PCDHGA12: variants seen among roughly 807,000 people sequenced by gnomAD.
The protein encoded by PCDHGA12 is protocadherin gamma-A12.
In PCDHGA12, 43 loss-of-function variants were observed where a neutral mutation model predicts 61.1. That is an observed-to-expected ratio of 0.70 (90% CI 0.55 to 0.91). The LOEUF (loss-of-function observed/expected upper bound fraction) is 0.91, where lower values mean the gene tolerates loss of function less well. Ranked by LOEUF, PCDHGA12 falls within the 40% of genes least tolerant of loss-of-function variation. The probability of loss-of-function intolerance (pLI) is 0.00; values close to 1 mark genes in which losing one functional copy is unlikely to be tolerated. For synonymous variants in PCDHGA12, 520 were observed against 542.9 expected (o/e 0.96, Z 0.59); for missense variants, 1,236 against 1,227.7 (o/e 1.01, Z -0.10).
rs866878519 is a variant in PCDHGA12, at chr5:141,486,035, C to A, written c.2425-8772C>A. ...TTATTTCAGTGGTCATACCCCTGAT[C>A]GTGTAAGAAACCTCTTTAGCCTGCA... is the stretch of plus-strand genomic sequence containing the variant. On this transcript the variant is annotated intron_variant, in intron 1 of 3. Coordinates refer to ENST00000252085, the MANE Select transcript of PCDHGA12 (RefSeq NM_003735.3). This position sits in a 1 kb window ranked among gnomAD's most constrained non-coding sequence, Gnocchi z 5.0. The A allele has an allele frequency of 1.9e-6, 3 of 1,614,100 alleles. No homozygotes were observed. The East Asian group carries it at 6.7e-5, about 36-fold the overall frequency.
intron 1 of PCDHGA12, chr5:141,442,111 C>A: frequency 6.0e-6 from 1 of 166,354 alleles, no homozygotes; most frequent in Non-Finnish European, 1.3e-5. Context: ...CACTACCGCC[C>A]CTCGTCGCCG....
At chr5:141,456,731 G>A (rs1282690673) in intron 1 of PCDHGA12, among the ~76,000 whole-genome samples, 1 of 152,214 alleles carries the variant, frequency 6.6e-6, no homozygotes, top group Non-Finnish European at 1.5e-5. Flanking sequence ...TTGGGAGGCT[G>A]AGGCGGGAGC....
chr5:141,504,434 A>C (rs2099838201), intron 2 of PCDHGA12, among the ~76,000 whole-genome samples: 1 of 152,234 alleles, frequency 6.6e-6, no homozygotes, highest in South Asian at 2.1e-4. Flanking sequence ...CAACAGCTGC[A>C]GTGTGACTAG....
Position 141,430,826 on chromosome 5 carries a change from C to T in PCDHGA12, c.67C>T (p.Leu23=), listed in dbSNP as rs993762069. Residue 23 remains leucine, a synonymous_variant, in exon 1 of 4, where the codon CTG becomes TTG. Coordinates refer to ENST00000252085, the MANE Select transcript of PCDHGA12 (RefSeq NM_003735.3). ...CCTGCTGGGAATCCTCCTGGGGACT[C>T]TGTGGGAGACCGGATGCACCCAGAT... ...LVLLGILLGT[L]WETGCTQIRY... is the part of the protein sequence containing the mutation. 6.5e-7 allele frequency: 1 copy of T among 1,550,298 alleles called. No homozygotes were observed. The highest frequency in any genetic ancestry group is 8.7e-7 in the Non-Finnish European group (1 of 1,152,824).
At position 141,432,156 on chromosome 5, in the gene PCDHGA12, C is replaced by A; in HGVS notation, c.1397C>A (p.Pro466His). The change falls in exon 1 of 4, where the codon CCC (proline) becomes CAC (histidine). Residue 466 changes from proline to histidine, a missense_variant. Transcript: ENST00000252085. This position sits in a 1 kb window ranked among gnomAD's most constrained non-coding sequence, Gnocchi z 6.0. ...SYSAYIPENN[P>H]RGVSLVSVTA... Reference sequence around the variant, plus strand: ...TCCGCTTATATCCCAGAGAACAATCCCAGAGGAGTTTCCCTCGTCTCTGTG... The same window carrying A: ...TCCGCTTATATCCCAGAGAACAATCACAGAGGAGTTTCCCTCGTCTCTGTG... The A allele has an allele frequency of 6.2e-7, 1 of 1,614,142 alleles. No homozygotes were observed. Among genetic ancestry groups the A allele is most frequent in the East Asian group, 2.2e-5 (1 of 44,874 alleles).
At chr5:141,451,892 A>C (rs1215224398) in intron 1 of PCDHGA12, among the ~76,000 whole-genome samples, 2 of 152,114 alleles carry the variant, frequency 1.3e-5, no homozygotes, top group Non-Finnish European at 2.9e-5. Context: ...AAAGAAAGGA[A>C]GGAACAAGGG....
Position 141,430,653 on chromosome 5 carries a change from A to G in PCDHGA12, c.-107A>G, listed in dbSNP as rs2097300223. On this transcript the variant is annotated 5_prime_UTR_variant, in exon 1 of 4. Transcript: ENST00000252085. ...CCATCCCTGGGAGTATGTGGAAACA[A>G]CGGAGGAGCTCTGACTTCCCAACTG... The G allele has an allele frequency of 3.7e-6, 4 of 1,073,410 alleles. No individual in the cohort carries two copies. Among genetic ancestry groups the G allele is most frequent in the Middle Eastern group, 2.4e-4 (1 of 4,224 alleles). The allele number at this position is 1,073,410 out of a possible 1,614,324, so 66.5% of individuals were successfully genotyped here.
chr5:141,486,659 G>A lies in PCDHGA12; in HGVS notation c.2425-8148G>A, dbSNP rs758578821. The stretch of plus-strand genomic sequence containing the variant: ...TGCGCTTATCTCCTACTCACTCCTG[G>A]AGCCCAGGAATCGAGATGTATCAGC... On this transcript the variant is annotated intron_variant, in intron 1 of 3. Transcript: ENST00000252085. This position sits in a 1 kb window ranked among gnomAD's most constrained non-coding sequence, Gnocchi z 5.0. 5.0e-6 allele frequency: 8 copies of A among 1,613,944 alleles called. No homozygotes were observed. Among genetic ancestry groups the A allele is most frequent in the Middle Eastern group, 1.6e-4 (1 of 6,062 alleles).
intron 1 of PCDHGA12, among the ~76,000 whole-genome samples, chr5:141,465,904 C>T (rs1364574558): frequency 2.0e-5 from 3 of 152,046 alleles, no homozygotes; most frequent in Admixed American, 6.5e-5. Context: ...GGGCAAATCA[C>T]GAGGTCAGGA....
chr5:141,474,628 A>C (rs1169097645), intron 1 of PCDHGA12, among the ~76,000 whole-genome samples: 1 of 152,234 alleles, frequency 6.6e-6, no homozygotes, highest in Non-Finnish European at 1.5e-5. Flanking sequence ...TCTCTTCCGG[A>C]AATATCCTAT....
At chr5:141,441,859 G>T in intron 1 of PCDHGA12, 1 of 348,078 alleles carries the variant, frequency 2.9e-6, no homozygotes. Context: ...GGTGCTGCAC[G>T]CCGCGGAGCC....
chr5:141,446,594 A>G (rs571957656), intron 1 of PCDHGA12, among the ~76,000 whole-genome samples: 8 of 152,136 alleles, frequency 5.3e-5, no homozygotes, highest in African/African-American at 1.9e-4. Flanking sequence ...CTTCTGCCTC[A>G]GCCTCCTGAG....
intron 1 of PCDHGA12, among the ~76,000 whole-genome samples, chr5:141,456,703 G>T (rs528071544): frequency 1.3e-5 from 2 of 152,062 alleles, no homozygotes; most frequent in Non-Finnish European, 2.9e-5. Context: ...GGTGGCTCGC[G>T]CCTGTAATCC....
At chr5:141,433,364 T>C (rs1246641841) in intron 1 of PCDHGA12, 181 bp downstream of exon 1, 1 of 524,614 alleles carries the variant, frequency 1.9e-6, no homozygotes, top group Admixed American at 3.5e-5. Context: ...TCTGCCTATC[T>C]ATCTATCTAT....
At chr5:141,470,383 G>A (rs569789033) in intron 1 of PCDHGA12, among the ~76,000 whole-genome samples, 7 of 152,246 alleles carry the variant, frequency 4.6e-5, no homozygotes, top group South Asian at 2.1e-4. Context: ...AAGACTACTC[G>A]ATGATATTTA....
At chr5:141,460,536 G>T (rs911670681) in intron 1 of PCDHGA12, among the ~76,000 whole-genome samples, 1 of 152,092 alleles carries the variant, frequency 6.6e-6, no homozygotes, top group African/African-American at 2.4e-5. Context: ...AATAATCTTA[G>T]CACCTTAATC....
rs753030509 is a variant in PCDHGA12, at chr5:141,431,672, G to A, written c.913G>A (p.Gly305Arg). Residue 305 changes from glycine (G) to arginine (R), a missense_variant, in exon 1 of 4, where the codon GGG (glycine) becomes AGG (arginine). Physicochemically the swap from Gly to Arg is moderately radical, Grantham distance 125. Transcript: ENST00000252085. The surrounding 1 kb of genome is among the most constrained non-coding windows in gnomAD (Gnocchi z 4.8). ...TAATTCAGGGACAATATCAACAATA[G>A]GGGAGTTGGACCACGAGGAGTCAGG... ...DCNSGTISTI[G>R]ELDHEESGFY... The A allele has an allele frequency of 9.3e-6, 15 of 1,614,110 alleles. No homozygotes were observed. Among genetic ancestry groups the A allele is most frequent in the African/African-American group, 4.0e-5 (3 of 74,948 alleles).
Position 141,474,743 on chromosome 5 carries a change from T to A in PCDHGA12, c.2425-20064T>A, listed in dbSNP as rs113053006. Among the ~76,000 whole-genome samples the A allele has an allele frequency of 4.0e-3, 610 of 152,354 alleles. 8 individuals carry two copies. The highest frequency in any genetic ancestry group is 0.014 in the African/African-American group (593 of 41,580). On this transcript the variant is annotated intron_variant, in intron 1 of 3. Transcript: ENST00000252085. ...AGGACTCTATGCAATCAAAGTGATG[T>A]CCAAGACAAATATACAGAAATAGTA...
At position 141,491,583 on chromosome 5, in the gene PCDHGA12, C is replaced by T; in HGVS notation, c.2425-3224C>T. On this transcript the variant is annotated intron_variant, in intron 1 of 3. Transcript: ENST00000252085. The surrounding 1 kb of genome is among the most constrained non-coding windows in gnomAD (Gnocchi z 6.9). ...GCTACAGGACGTGCTTTTCACCGGC[C>T]TCGGACGGCAGTGACTTCACTTTTC... 1 of 1,613,964 alleles carries T rather than the reference C, an allele frequency of 6.2e-7. No individual in the cohort carries two copies. Among genetic ancestry groups the T allele is most frequent in the African/African-American group, 1.3e-5 (1 of 75,032 alleles).
Sources: gnomAD v4.1 joint callset for allele counts (sites outside exome capture counted in the v4.1 genomes callset) on GRCh38, gnomAD v4.1.1 for gene constraint, Gnocchi (gnomAD v3.1) non-coding constraint, MANE v1.5 for transcripts, NCBI Gene and HGNC (gene_info 2026-07-23, HGNC 2026-07-21) for gene names.